Variants in MYO3A observed in about 807,000 individuals in gnomAD.
MYO3A encodes the protein myosin IIIA.
In MYO3A, 180 loss-of-function variants were observed where a neutral mutation model predicts 192.7. The ratio of observed to expected loss-of-function variants is 0.93; its 90% CI spans 0.83 to 1.06. MYO3A has a LOEUF of 1.06. Ranked by LOEUF, MYO3A falls within the 50% of genes least tolerant of loss-of-function variation. MYO3A has a pLI of 0.00. For missense variants in MYO3A, 1,896 were observed against 1,905.0 expected (o/e 1.00, Z 0.09); for synonymous variants, 628 against 645.3 (o/e 0.97, Z 0.41).
At chr10:26,147,320 AAC>A (rs1255023706) in intron 22 of MYO3A, 108 bp from the exon 23 acceptor site, 5 of 1,169,520 alleles carry the variant, frequency 4.3e-6, no homozygotes, top group African/African-American at 1.5e-5. Flanking sequence ...ACTGTTGCTG[AAC>A]ATAGAGTAAG....
chr10:25,950,295 C>T (rs1837127790), intron 2 of MYO3A, among the ~76,000 whole-genome samples: 1 of 151,548 alleles, frequency 6.6e-6, no homozygotes, highest in Non-Finnish European at 1.5e-5. Context: ...ATTTATTATT[C>T]CTTCCATTTT....
At chr10:25,963,205 T>G (rs1353185755) in intron 4 of MYO3A, among the ~76,000 whole-genome samples, 2 of 152,236 alleles carry the variant, frequency 1.3e-5, no homozygotes, top group African/African-American at 4.8e-5. Context: ...GACTAAAGAC[T>G]GCCAATTACA....
In MYO3A at chr10:26,212,465, C is replaced by T. The variant is rs902289150; in HGVS notation, c.*502C>T. 1.0e-5 allele frequency: 2 copies of T among 192,768 alleles called. No individual in the cohort carries two copies. The highest frequency in any genetic ancestry group is 2.1e-5 in the Non-Finnish European group (2 of 95,656). 11.9% of individuals were successfully genotyped at this position (192,768 alleles called of 1,614,324 possible). The stretch of plus-strand genomic sequence containing the variant: ...GGAGAATTTCGAAGATGTATTTCAT[C>T]TCAAGCTTGCTCTTTCTCTTCCTTT... On this transcript the variant is annotated 3_prime_UTR_variant, in exon 35 of 35. Coordinates refer to ENST00000642920, the MANE Select transcript of MYO3A (RefSeq NM_017433.5).
chr10:26,175,228 C>G (rs190701719), intron 30 of MYO3A, among the ~76,000 whole-genome samples: 54 of 152,338 alleles, frequency 3.5e-4, no homozygotes, highest in African/African-American at 1.3e-3. Context: ...CAATTTATCT[C>G]TGATACATAC....
intron 10 of MYO3A, among the ~76,000 whole-genome samples, chr10:26,030,652 C>A (rs1842763219): frequency 6.6e-6 from 1 of 152,180 alleles, no homozygotes; most frequent in African/African-American, 2.4e-5. Context: ...TGTATTAAAT[C>A]AACATAGCTA....
At chr10:26,023,703 A>G (rs969904881) in intron 8 of MYO3A, among the ~76,000 whole-genome samples, 1 of 152,172 alleles carries the variant, frequency 6.6e-6, no homozygotes, top group African/African-American at 2.4e-5. Flanking sequence ...ACCTTTCCCC[A>G]GTATCTATTG....
rs746618823 is a variant in MYO3A, at chr10:26,145,545, T to C, written c.2505+11T>C. ...CATTATGCAGGAAAGGTAAGAACTCTAAAGAATTATGACTGAGTTTCTCCT... is the reference window on the plus strand; with the variant it reads ...CATTATGCAGGAAAGGTAAGAACTCCAAAGAATTATGACTGAGTTTCTCCT... On this transcript the variant is annotated intron_variant, in intron 22 of 34. Transcript: ENST00000642920. 1 of 1,550,294 alleles carries C rather than the reference T, an allele frequency of 6.5e-7. No individual in the cohort carries two copies. The highest frequency in any genetic ancestry group is 1.1e-5 in the South Asian group (1 of 89,816).
intron 25 of MYO3A, 59 bp from the exon 26 acceptor site, chr10:26,157,251 A>G (rs2131933675): frequency 1.3e-6 from 2 of 1,495,358 alleles, no homozygotes; most frequent in Non-Finnish European, 9.3e-7. Flanking sequence ...AGAAAGGCCT[A>G]CAAGCTCATA....
intron 10 of MYO3A, among the ~76,000 whole-genome samples, chr10:26,062,893 AG>A (rs1834600049): frequency 6.6e-6 from 1 of 151,922 alleles, no homozygotes; most frequent in African/African-American, 2.4e-5. Flanking sequence ...GAATATGAGG[AG>A]AAGATAGATG....
chr10:26,007,587 C>A (rs1363152281), intron 6 of MYO3A, among the ~76,000 whole-genome samples: 3 of 151,980 alleles, frequency 2.0e-5, no homozygotes, highest in East Asian at 1.9e-4. Flanking sequence ...ATACACCAAT[C>A]ACAGACAAAC....
rs372058951 is a variant in MYO3A at position 26,065,183 on chromosome 10, T to G, written c.954-1792T>G. Reference sequence around the variant, plus strand: ...CCTTTGTTAAATGCGCCTGGTAGATTAGGTAAAATGAGGACTTAAAATTGA... The same window carrying G: ...CCTTTGTTAAATGCGCCTGGTAGATGAGGTAAAATGAGGACTTAAAATTGA... On this transcript the variant is annotated intron_variant, in intron 10 of 34. Transcript: ENST00000642920. 2.6e-5 allele frequency among the ~76,000 whole-genome samples: 4 copies of G among 152,230 alleles called. No individual in the cohort carries two copies. The South Asian group carries it at 8.3e-4, about 32-fold the overall frequency.
chr10:26,203,140 C>G (rs1195906912), intron 34 of MYO3A, 33 bp downstream of exon 34: 2 of 1,597,862 alleles, frequency 1.3e-6, no homozygotes, highest in Admixed American at 1.7e-5. Context: ...ACATCATTTG[C>G]AGTTTTATAC....
At chr10:26,012,771 C>G (rs1841749660) in intron 6 of MYO3A, among the ~76,000 whole-genome samples, 1 of 151,748 alleles carries the variant, frequency 6.6e-6, no homozygotes, top group Non-Finnish European at 1.5e-5. Flanking sequence ...CCAAAAGAGC[C>G]CAAATAGCCA....
chr10:26,205,914 C>T (rs1843912171), intron 34 of MYO3A, among the ~76,000 whole-genome samples: 2 of 151,898 alleles, frequency 1.3e-5, no homozygotes, highest in African/African-American at 4.8e-5. Context: ...CCACCGTGCC[C>T]AGCCGGATTT....
intron 14 of MYO3A, among the ~76,000 whole-genome samples, chr10:26,082,828 G>C (rs541102980): frequency 5.3e-5 from 8 of 151,230 alleles, no homozygotes; most frequent in Non-Finnish European, 1.2e-4. Context: ...TGACTTCTTT[G>C]TATAGGCTCA....
At chr10:25,941,699 A>G (rs1260691600) in intron 2 of MYO3A, among the ~76,000 whole-genome samples, 5 of 152,182 alleles carry the variant, frequency 3.3e-5, no homozygotes, top group Non-Finnish European at 7.3e-5. Flanking sequence ...AACCTTTAAC[A>G]CCATCCATCT....
chr10:25,950,345 T>A (rs186514435), intron 2 of MYO3A, among the ~76,000 whole-genome samples: 1 of 152,080 alleles, frequency 6.6e-6, no homozygotes, highest in Non-Finnish European at 1.5e-5. Flanking sequence ...CTTGTAAAAT[T>A]TGGTAGGAGA....
chr10:25,948,955 G>A (rs533046357), intron 2 of MYO3A, among the ~76,000 whole-genome samples: 115 of 152,018 alleles, frequency 7.6e-4, no homozygotes, highest in African/African-American at 2.7e-3. Context: ...ATATTTGTCT[G>A]ATTGAGAACT....
At chr10:25,946,520 C>CTTTTTTTTT (rs35754342) in intron 2 of MYO3A, among the ~76,000 whole-genome samples, 1 of 142,226 alleles carries the variant, frequency 7.0e-6, no homozygotes, top group Non-Finnish European at 1.5e-5. Flanking sequence ...TTAAGTTTCC[C>CTTTTTTTTT]TTTTTTTTTT....
Sources: gnomAD v4.1 joint callset for allele counts (sites outside exome capture counted in the v4.1 genomes callset) on GRCh38, gnomAD v4.1.1 for gene constraint, MANE v1.5 for transcripts, NCBI Gene and HGNC (gene_info 2026-07-23, HGNC 2026-07-21) for gene names.